The following PCDHGC4 variants were observed in gnomAD, a reference collection of about 807,000 sequenced individuals.
PCDHGC4 encodes protocadherin gamma subfamily C, 4, also known as protocadherin gamma-C4.
PCDHGC4 carries 15 observed loss-of-function variants against 59.7 expected under a neutral mutation model. That is an observed-to-expected ratio of 0.25 (90% CI 0.17 to 0.39). PCDHGC4 has a LOEUF of 0.39. PCDHGC4 is among the 10% of genes least tolerant of loss of function. The pLI is 1.00. For missense variants in PCDHGC4, 1,016 were observed against 1,189.5 expected (o/e 0.85, Z 2.15); for synonymous variants, 434 against 481.4 (o/e 0.90, Z 1.29).
intron 3 of PCDHGC4, among the ~76,000 whole-genome samples, chr5:141,510,538 G>A (rs1423013528): frequency 1.3e-5 from 2 of 152,216 alleles, no homozygotes; most frequent in East Asian, 1.9e-4. Context: ...AAATACCAGC[G>A]AATGTGTTTT....
chr5:141,487,595 G>C lies in PCDHGC4; in HGVS notation c.2422G>C (p.Asp808His). ...TGTTCGCCCAAGCTGCCCACCCTCT[G>C]ATCTTCTCTATGGGCTAGAGGTGAG... ...EPVRPSCPPS[D>H]LLYGLEQAPP... is the part of the protein sequence containing the mutation. Residue 808 changes from aspartate (D) to histidine (H), a missense_variant, in exon 1 of 4, where the codon GAT (aspartate) becomes CAT (histidine). Coordinates refer to ENST00000306593, the MANE Select transcript of PCDHGC4 (RefSeq NM_018928.3). The surrounding 1 kb of genome is among the most constrained non-coding windows in gnomAD (Gnocchi z 5.0). 1 of 1,614,202 alleles carries C rather than the reference G, an allele frequency of 6.2e-7. No homozygotes were observed. The highest frequency in any genetic ancestry group is 8.5e-7 in the Non-Finnish European group (1 of 1,180,038).
chr5:141,486,456 C>G lies in PCDHGC4; in HGVS notation c.1283C>G (p.Ser428Cys). ...AGCTATGACATCATGGTCACTGCTT[C>G]TGATGCTGGGAACCCTCCTCTCAGT... is the stretch of plus-strand genomic sequence containing the variant. ...KSSYDIMVTA[S>C]DAGNPPLSTH... is the part of the protein sequence containing the mutation. Residue 428 changes from serine (S) to cysteine (C), a missense_variant, in exon 1 of 4, where the codon TCT becomes TGT. Transcript: ENST00000306593. The surrounding 1 kb of genome is among the most constrained non-coding windows in gnomAD (Gnocchi z 5.0). The G allele has an allele frequency of 1.9e-6, 3 of 1,614,052 alleles. No homozygotes were observed. In the South Asian group the frequency reaches 3.3e-5, roughly 18 times the overall value.
rs951185891 is a variant in PCDHGC4, at chr5:141,494,814, C to T, written c.2450C>T (p.Pro817Leu). 7 of 1,614,152 alleles carry T rather than the reference C, an allele frequency of 4.3e-6. No individual in the cohort carries two copies. The highest frequency in any genetic ancestry group is 1.7e-5 in the Admixed American group (1 of 60,024). Residue 817 changes from proline to leucine, a missense_variant, in exon 2 of 4, where the codon CCG becomes CTG. By Grantham distance (98) the Pro-to-Leu change is moderately conservative (BLOSUM62 -3). Transcript: ENST00000306593. The part of the protein sequence containing the change: ...SDLLYGLEQA[P>L]PNTDWRFSQA... ...CCTCTGTTTTCTCCACAGCAAGCCCCGCCCAACACGGACTGGCGTTTCTCT... is the reference window on the plus strand; with the variant it reads ...CCTCTGTTTTCTCCACAGCAAGCCCTGCCCAACACGGACTGGCGTTTCTCT...
intron 2 of PCDHGC4, among the ~76,000 whole-genome samples, chr5:141,495,521 C>G (rs1385879589): frequency 6.6e-6 from 1 of 152,144 alleles, no homozygotes; most frequent in Non-Finnish European, 1.5e-5. Flanking sequence ...TTTCTCTTAC[C>G]TCTCAGTCCT....
Position 141,485,291 on chromosome 5 carries a change from CAGGA to C in PCDHGC4, c.122_125del (p.Glu41GlyfsTer4). ...CCGCTACCCGGTCCCAGAGGAGTCA[CAGGA>C]AGGGACTTTTGTAGGGAATGTCGCT... On this transcript the variant is annotated frameshift_variant, in exon 1 of 4. Transcript: ENST00000306593. LOFTEE classifies it high-confidence loss of function. The surrounding 1 kb of genome is among the most constrained non-coding windows in gnomAD (Gnocchi z 5.7). 1 of 1,614,152 alleles carries C rather than the reference CAGGA, an allele frequency of 6.2e-7. No individual in the cohort carries two copies. Among genetic ancestry groups the C allele is most frequent in the Non-Finnish European group, 8.5e-7 (1 of 1,179,992 alleles).
Position 141,491,713 on chromosome 5 carries a change from G to A in PCDHGC4, c.2443-3094G>A. On this transcript the variant is annotated intron_variant, in intron 1 of 3. Transcript: ENST00000306593. This position sits in a 1 kb window ranked among gnomAD's most constrained non-coding sequence, Gnocchi z 6.9. ...GGAGCGGAGCCAGGTGAGGGGCTCG[G>A]CGCCGCCCCGGGCGACCCCTGGGGG... The A allele has an allele frequency of 1.9e-6, 3 of 1,609,174 alleles. No individual in the cohort carries two copies. Among genetic ancestry groups the A allele is most frequent in the Non-Finnish European group, 2.5e-6 (3 of 1,178,054 alleles).
rs1185679701 is a variant in PCDHGC4, at chr5:141,511,384, G to A, written c.*211G>A. On this transcript the variant is annotated 3_prime_UTR_variant, in exon 4 of 4. Coordinates refer to ENST00000306593, the MANE Select transcript of PCDHGC4 (RefSeq NM_018928.3). ...TTGAATATGCAAAAGCAGTTCCGCT[G>A]GGAACCCCCATCCAATCAACTGCTG... is the stretch of plus-strand genomic sequence containing the variant. 3.5e-6 allele frequency: 4 copies of A among 1,154,490 alleles called. No homozygotes were observed. Among genetic ancestry groups the A allele is most frequent in the Admixed American group, 2.9e-5 (1 of 34,748 alleles). 71.5% of individuals were successfully genotyped at this position (1,154,490 alleles called of 1,614,324 possible). A position where few individuals can be genotyped will look rare whatever the true frequency, so the allele number is the denominator to read the frequency against.
At chr5:141,510,627 G>C (rs2099881988) in intron 3 of PCDHGC4, among the ~76,000 whole-genome samples, 2 of 152,090 alleles carry the variant, frequency 1.3e-5, no homozygotes, top group South Asian at 2.1e-4. Context: ...AACCAGAAGA[G>C]GTGGTTACCA....
rs1029237740 is a variant in PCDHGC4, at chr5:141,500,358, A to G, written c.2502-5035A>G. ...AGAATAGCTGGGACTACAGGCGCCC[A>G]CTACCACGCCCGGCTAATTATTTTG... On this transcript the variant is annotated intron_variant, in intron 2 of 3. Coordinates refer to ENST00000306593, the MANE Select transcript of PCDHGC4 (RefSeq NM_018928.3). Among the ~76,000 whole-genome samples, 5 of 151,706 alleles carry G rather than the reference A, an allele frequency of 3.3e-5. No homozygotes were observed. In the South Asian group the frequency reaches 6.3e-4, roughly 19 times the overall value.
chr5:141,501,701 G>A (rs747266621), intron 2 of PCDHGC4, among the ~76,000 whole-genome samples: 3 of 151,984 alleles, frequency 2.0e-5, no homozygotes, highest in East Asian at 1.9e-4. Flanking sequence ...GGGTGATTCC[G>A]AGGATAAAAA....
intron 3 of PCDHGC4, among the ~76,000 whole-genome samples, chr5:141,509,815 TCTC>T (rs1596250992): frequency 6.6e-6 from 1 of 152,226 alleles, no homozygotes; most frequent in East Asian, 1.9e-4. Flanking sequence ...GCCGAGCTCT[TCTC>T]CATCTTCTCT....
chr5:141,491,500 G>A lies in PCDHGC4; in HGVS notation c.2443-3307G>A. ...CAGCCCCAACCTGCAGGTGAGCTCG[G>A]ACGGCACGCTCAAGTACATGGAGGT... On this transcript the variant is annotated intron_variant, in intron 1 of 3. Transcript: ENST00000306593. The surrounding 1 kb of genome is among the most constrained non-coding windows in gnomAD (Gnocchi z 6.9). 3 of 1,614,102 alleles carry A rather than the reference G, an allele frequency of 1.9e-6. No homozygotes were observed. The highest frequency in any genetic ancestry group is 2.7e-5 in the African/African-American group (2 of 75,066).
intron 2 of PCDHGC4, among the ~76,000 whole-genome samples, chr5:141,499,115 C>G (rs940275925): frequency 6.6e-6 from 1 of 152,124 alleles, no homozygotes; most frequent in Non-Finnish European, 1.5e-5. Flanking sequence ...CACCACTATC[C>G]CTTCTCAGGT....
chr5:141,505,322 G>A, intron 2 of PCDHGC4, 71 bp from the exon 3 acceptor site: 1 of 1,606,332 alleles, frequency 6.2e-7, no homozygotes, highest in African/African-American at 1.3e-5. Context: ...TGGGAGCCCT[G>A]GGAGAGGACA....
rs201409669 is a variant in PCDHGC4 at position 141,490,703 on chromosome 5, G to A, written c.2442+3088G>A. The stretch of plus-strand genomic sequence containing the variant: ...GATCCAGACACTGGGGATAATGCCC[G>A]CCTCACCTACTCCATTGTAGGAAAT... On this transcript the variant is annotated intron_variant, in intron 1 of 3. Coordinates refer to ENST00000306593, the MANE Select transcript of PCDHGC4 (RefSeq NM_018928.3). This position sits in a 1 kb window ranked among gnomAD's most constrained non-coding sequence, Gnocchi z 5.4. 2.6e-4 allele frequency: 421 copies of A among 1,614,106 alleles called. No homozygotes were observed. Among genetic ancestry groups the A allele is most frequent in the Middle Eastern group, 6.6e-4 (4 of 6,062 alleles).
chr5:141,496,103 C>G (rs779317844), intron 2 of PCDHGC4, among the ~76,000 whole-genome samples: 1 of 152,100 alleles, frequency 6.6e-6, no homozygotes, highest in Non-Finnish European at 1.5e-5. Flanking sequence ...ACCAACACCC[C>G]GCTCTCTTCC....
intron 3 of PCDHGC4, among the ~76,000 whole-genome samples, chr5:141,509,422 G>A (rs1181133903): frequency 3.3e-5 from 5 of 152,136 alleles, no homozygotes; most frequent in Non-Finnish European, 5.9e-5. Flanking sequence ...GCCCCAATGA[G>A]TCAAACTCTT....
chr5:141,485,357 C>T lies in PCDHGC4; in HGVS notation c.184C>T (p.Arg62Cys). ...GCTGGATACGGACAGTCTGTCAGCT[C>T]GCAGGCTGCAGGTCGCTGGAGAGGT... ...FLLDTDSLSA[R>C]RLQVAGEVNQ... Residue 62 changes from arginine (R) to cysteine (C), a missense_variant, in exon 1 of 4, where the codon CGC becomes TGC. Transcript: ENST00000306593. The surrounding 1 kb of genome is among the most constrained non-coding windows in gnomAD (Gnocchi z 5.7). 1.2e-6 allele frequency: 2 copies of T among 1,614,084 alleles called. No individual in the cohort carries two copies. The highest frequency in any genetic ancestry group is 1.1e-5 in the South Asian group (1 of 91,070).
At chr5:141,506,278 G>A (rs1001662623) in intron 3 of PCDHGC4, among the ~76,000 whole-genome samples, 1 of 152,090 alleles carries the variant, frequency 6.6e-6, no homozygotes. Flanking sequence ...GTGAAACCCT[G>A]TCTCTACTAA....
Sources: allele counts gnomAD v4.1 joint callset (sites outside exome capture counted in the v4.1 genomes callset), GRCh38; gene constraint gnomAD v4.1.1; non-coding constraint Gnocchi (gnomAD v3.1); transcripts MANE v1.5; gene names NCBI Gene and HGNC (gene_info 2026-07-23, HGNC 2026-07-21).